Variants in DLG2 observed in about 807,000 individuals in gnomAD.
DLG2 encodes the protein disks large homolog 2.
A neutral mutation model predicts 132.5 loss-of-function variants in DLG2; 45 were observed. The ratio of observed to expected loss-of-function variants is 0.34; its 90% CI spans 0.27 to 0.44. The LOEUF is 0.44. DLG2 is among the 20% of genes least tolerant of loss of function. The pLI is 1.00. For synonymous variants in DLG2, 424 were observed against 419.6 expected (o/e 1.01, Z -0.13); for missense variants, 1,045 against 1,196.9 (o/e 0.87, Z 1.87).
chr11:85,318,289 A>G (rs2080825321), intron 3 of DLG2, among the ~76,000 whole-genome samples: 1 of 151,854 alleles, frequency 6.6e-6, no homozygotes, highest in Non-Finnish European at 1.5e-5. Context: ...GTCTACTACA[A>G]TTTTCCAATG....
chr11:83,546,959 C>T (rs17522327), intron 19 of DLG2, among the ~76,000 whole-genome samples: 27,990 of 152,062 alleles, frequency 0.18, 2,821 homozygotes, highest in Middle Eastern at 0.2. Flanking sequence ...TGGGGCAGGA[C>T]TCAAAGCCTG....
At chr11:84,554,110 A>G (rs1341212139) in intron 6 of DLG2, among the ~76,000 whole-genome samples, 2 of 152,164 alleles carry the variant, frequency 1.3e-5, no homozygotes, top group Non-Finnish European at 2.9e-5. Context: ...GCTTGGGCAT[A>G]TCTTCGTCCA....
chr11:84,162,923 A>G (rs2095578964), intron 9 of DLG2, among the ~76,000 whole-genome samples: 1 of 152,040 alleles, frequency 6.6e-6, no homozygotes, highest in African/African-American at 2.4e-5. Context: ...ATATCTACAT[A>G]TATTAGGGTT....
intron 15 of DLG2, among the ~76,000 whole-genome samples, chr11:83,877,474 C>CA (rs1178373387): frequency 6.6e-6 from 1 of 151,814 alleles, no homozygotes; most frequent in South Asian, 2.1e-4. Flanking sequence ...AAAATTAAAA[C>CA]AAAAAAAATT....
chr11:83,618,210 C>CA (rs2061124147), intron 19 of DLG2, among the ~76,000 whole-genome samples: 2 of 151,956 alleles, frequency 1.3e-5, no homozygotes, highest in Non-Finnish European at 2.9e-5. Flanking sequence ...TCCAGCAGGT[C>CA]ATGATAATAT....
intron 14 of DLG2, among the ~76,000 whole-genome samples, chr11:83,937,283 G>A (rs112354845): frequency 0.023 from 3,494 of 151,910 alleles, 132 homozygotes; most frequent in African/African-American, 0.079. Context: ...CGAGGTGGGC[G>A]GATCACGAGG....
chr11:85,439,356 ATTT>A (rs35516320), intron 3 of DLG2, among the ~76,000 whole-genome samples: 9 of 132,436 alleles, frequency 6.8e-5, no homozygotes, highest in Admixed American at 7.7e-5. Context: ...CTTCCTCAGC[ATTT>A]TTTTTTTTTT....
chr11:85,580,519 T>C (rs982013059), intron 3 of DLG2, among the ~76,000 whole-genome samples: 11 of 152,360 alleles, frequency 7.2e-5, no homozygotes, highest in Middle Eastern at 3.4e-3. Flanking sequence ...CAAACACTTA[T>C]TGAGCATTTA....
At chr11:83,987,106 T>C (rs186336869) in intron 11 of DLG2, among the ~76,000 whole-genome samples, 1 of 152,066 alleles carries the variant, frequency 6.6e-6, no homozygotes, top group Non-Finnish European at 1.5e-5. Flanking sequence ...TGCCATTGTT[T>C]TTGGTGTTTT....
Position 84,362,619 on chromosome 11 carries a change from A to G in DLG2, c.520-111328T>C, listed in dbSNP as rs1333808340. 2.0e-5 allele frequency among the ~76,000 whole-genome samples: 3 copies of G among 151,962 alleles called. No homozygotes were observed. The East Asian group carries it at 5.8e-4, about 29-fold the overall frequency. On this transcript the variant is annotated intron_variant, in intron 7 of 27. Transcript: ENST00000376104. ...GGTGCGCTGCACCCACTAACTCGTC[A>G]TCTAGCATTAGGTATGTCTCCCAAT...
intron 4 of DLG2, among the ~76,000 whole-genome samples, chr11:85,163,249 A>T (rs1263018346): frequency 6.6e-6 from 1 of 151,688 alleles, no homozygotes; most frequent in East Asian, 1.9e-4. Flanking sequence ...ACACACTATT[A>T]GTTCTGTCCC....
At chr11:83,476,724 T>C (rs1451500512) in intron 22 of DLG2, among the ~76,000 whole-genome samples, 1 of 152,054 alleles carries the variant, frequency 6.6e-6, no homozygotes, top group Admixed American at 6.6e-5. Context: ...ATGAATGGGA[T>C]TCAGAATTAA....
intron 10 of DLG2, among the ~76,000 whole-genome samples, chr11:84,070,921 A>T (rs532112877): frequency 3.1e-4 from 47 of 152,286 alleles, no homozygotes; most frequent in South Asian, 1.2e-3. Flanking sequence ...AATTAATCTT[A>T]TCTCTTCCCC....
At chr11:83,523,263 A>T (rs1256199602) in intron 21 of DLG2, among the ~76,000 whole-genome samples, 1 of 152,244 alleles carries the variant, frequency 6.6e-6, no homozygotes, top group African/African-American at 2.4e-5. Context: ...ACTTACCTTG[A>T]ATTAATGATG....
At chr11:85,150,322 C>T (rs764001069) in intron 5 of DLG2, among the ~76,000 whole-genome samples, 4 of 151,926 alleles carry the variant, frequency 2.6e-5, no homozygotes, top group South Asian at 2.1e-4. Flanking sequence ...GCCCGGCCTC[C>T]GTTTTTAAAT....
At chr11:83,474,327 T>C in intron 22 of DLG2, among the ~76,000 whole-genome samples, 1 of 152,174 alleles carries the variant, frequency 6.6e-6, no homozygotes, top group African/African-American at 2.4e-5. Flanking sequence ...ATCTAAAGCC[T>C]GAGCGATGTA....
intron 3 of DLG2, among the ~76,000 whole-genome samples, chr11:85,469,064 G>A (rs1458152685): frequency 6.6e-6 from 1 of 152,078 alleles, no homozygotes; most frequent in African/African-American, 2.4e-5. Context: ...TCAATAAATG[G>A]AACCTAGATT....
chr11:85,484,962 A>T (rs1404236941), intron 3 of DLG2, among the ~76,000 whole-genome samples: 4 of 152,202 alleles, frequency 2.6e-5, no homozygotes, highest in Non-Finnish European at 4.4e-5. Flanking sequence ...CAAATGTCCG[A>T]CAATCATAGA....
chr11:84,820,895 C>T (rs566095223), intron 6 of DLG2, among the ~76,000 whole-genome samples: 1 of 151,922 alleles, frequency 6.6e-6, no homozygotes, highest in South Asian at 2.1e-4. Flanking sequence ...TTAGCAAGGG[C>T]TGAGTTCTTT....
Sources: gnomAD v4.1 joint callset for allele counts (sites outside exome capture counted in the v4.1 genomes callset) on GRCh38, gnomAD v4.1.1 for gene constraint, MANE v1.5 for transcripts, NCBI Gene and HGNC (gene_info 2026-07-23, HGNC 2026-07-21) for gene names.